The following RBMS3 variants were observed in gnomAD, a reference collection of about 807,000 sequenced individuals.
RBMS3 encodes RNA binding motif single stranded interacting protein 3, also known as RNA-binding motif, single-stranded-interacting protein 3.
RBMS3 carries 27 observed loss-of-function variants against 66.8 expected under a neutral mutation model. That is an observed-to-expected ratio of 0.40 (90% CI 0.30 to 0.56). The LOEUF is 0.56. Among genes scored for constraint, RBMS3 ranks in the 20% least tolerant of loss-of-function variants. The pLI, the probability that RBMS3 is intolerant of heterozygous loss-of-function variation, is 0.40. For synonymous variants in RBMS3, 188 were observed against 183.0 expected (o/e 1.03, Z -0.22); for missense variants, 513 against 549.5 (o/e 0.93, Z 0.66).
chr3:29,922,136 C>G (rs952460581), intron 10 of RBMS3, among the ~76,000 whole-genome samples: 1 of 152,210 alleles, frequency 6.6e-6, no homozygotes, highest in Non-Finnish European at 1.5e-5. Context: ...GAAACTTACT[C>G]TATTATAGCT....
At chr3:29,863,003 C>G (rs958404199) in intron 6 of RBMS3, among the ~76,000 whole-genome samples, 1 of 151,854 alleles carries the variant, frequency 6.6e-6, no homozygotes, top group Non-Finnish European at 1.5e-5. Context: ...TAGGAATTAC[C>G]TAAGAACAAG....
chr3:29,671,145 T>G (rs987254267), intron 4 of RBMS3, among the ~76,000 whole-genome samples: 1 of 152,190 alleles, frequency 6.6e-6, no homozygotes, highest in Non-Finnish European at 1.5e-5. Context: ...AGAGGGTCTG[T>G]ACTGGACCTC....
intron 1 of RBMS3, among the ~76,000 whole-genome samples, chr3:29,374,748 C>T (rs1018953449): frequency 6.6e-6 from 1 of 152,154 alleles, no homozygotes. Context: ...AAAACTTGAG[C>T]AGCAACTGTA....
chr3:29,746,040 T>G (rs899992215), intron 5 of RBMS3, among the ~76,000 whole-genome samples: 29 of 152,204 alleles, frequency 1.9e-4, no homozygotes, highest in African/African-American at 7.0e-4. Context: ...TTCTACTGCC[T>G]GATACTTCTT....
chr3:29,728,307 G>T (rs1031991495), intron 4 of RBMS3, among the ~76,000 whole-genome samples: 2 of 152,072 alleles, frequency 1.3e-5, no homozygotes, highest in African/African-American at 4.8e-5. Context: ...AAGCCACCAT[G>T]GCTCATGTAT....
Position 29,587,185 on chromosome 3 carries a change from G to A in RBMS3, c.379G>A (p.Val127Met), listed in dbSNP as rs777562992. The A allele has an allele frequency of 1.3e-5, 20 of 1,590,630 alleles. No homozygotes were observed. The highest frequency in any genetic ancestry group is 3.4e-5 in the Admixed American group (2 of 58,262). The change falls in exon 4 of 15, where the codon GTG (valine) becomes ATG (methionine). Residue 127 changes from valine to methionine, a missense_variant. Val to Met is a conservative substitution (Grantham distance 21, BLOSUM62 1). Coordinates refer to ENST00000383767, the MANE Select transcript of RBMS3 (RefSeq NM_001003793.3). ...GGTAGCATCTCTCAAGGCAAATGGC[G>A]TGCAGGCACAGATGGCTAAGGTAAG... ...KAVASLKANG[V>M]QAQMAKQQEQ...
At chr3:29,745,426 A>G (rs1433803843) in intron 5 of RBMS3, among the ~76,000 whole-genome samples, 1 of 152,302 alleles carries the variant, frequency 6.6e-6, no homozygotes, top group Non-Finnish European at 1.5e-5. Flanking sequence ...CTGCGAGGGT[A>G]AGGATCAGAG....
Position 29,922,465 on chromosome 3 carries a change from G to A in RBMS3, c.940-13621G>A, listed in dbSNP as rs531967323. ...TTGCGCCACTGCAGTCCGCAGTCCGGCCTGGGCGACAGAGCGAGACTCCGT... is the reference window on the plus strand; with the variant it reads ...TTGCGCCACTGCAGTCCGCAGTCCGACCTGGGCGACAGAGCGAGACTCCGT... On this transcript the variant is annotated intron_variant, in intron 10 of 14. Coordinates refer to ENST00000383767, the MANE Select transcript of RBMS3 (RefSeq NM_001003793.3). Among the ~76,000 whole-genome samples the A allele has an allele frequency of 1.4e-3, 197 of 144,228 alleles. 1 individual carries two copies. Among genetic ancestry groups the A allele is most frequent in the Non-Finnish European group, 2.5e-3 (164 of 66,604 alleles). The allele number at this position is 144,228 out of a possible 152,430, so 94.6% of individuals were successfully genotyped here.
intron 1 of RBMS3, among the ~76,000 whole-genome samples, chr3:29,395,159 A>T (rs2039488910): frequency 6.6e-6 from 1 of 152,188 alleles, no homozygotes; most frequent in African/African-American, 2.4e-5. Flanking sequence ...TGTGAAAAGC[A>T]TCAGGAGCCA....
At chr3:29,755,040 A>G (rs1280308584) in intron 5 of RBMS3, among the ~76,000 whole-genome samples, 4 of 152,210 alleles carry the variant, frequency 2.6e-5, no homozygotes, top group African/African-American at 9.6e-5. Flanking sequence ...AATAATATCT[A>G]GGAATGAAAT....
At position 29,936,055 on chromosome 3, in the gene RBMS3, AT is replaced by A. The variant is rs754516110; in HGVS notation, c.940-27del. On this transcript the variant is annotated intron_variant, in intron 10 of 14. Transcript: ENST00000383767. ...AGAAGTCTCCTTCCTTGTAGGATAT[AT>A]TTTCAAATGGACATTGTATATGCTT... The A allele has an allele frequency of 1.9e-6, 3 of 1,546,372 alleles. No individual in the cohort carries two copies. The South Asian group carries it at 3.4e-5, about 18-fold the overall frequency.
intron 4 of RBMS3, among the ~76,000 whole-genome samples, chr3:29,723,881 G>A (rs1056535877): frequency 1.3e-5 from 2 of 151,916 alleles, no homozygotes; most frequent in Non-Finnish European, 2.9e-5. Flanking sequence ...TTAGCAATTC[G>A]GTATCTTCTG....
At chr3:29,547,433 C>T (rs968515509) in intron 3 of RBMS3, among the ~76,000 whole-genome samples, 10 of 152,050 alleles carry the variant, frequency 6.6e-5, no homozygotes, top group Non-Finnish European at 1.3e-4. Context: ...TCTATCATTA[C>T]TCTTCTATCA....
intron 4 of RBMS3, among the ~76,000 whole-genome samples, chr3:29,706,823 C>A (rs1372131068): frequency 6.6e-6 from 1 of 152,142 alleles, no homozygotes; most frequent in Non-Finnish European, 1.5e-5. Context: ...CCAAGTTACC[C>A]TAAGAATAGA....
At chr3:29,629,155 G>A in intron 4 of RBMS3, among the ~76,000 whole-genome samples, 1 of 152,212 alleles carries the variant, frequency 6.6e-6, no homozygotes, top group Middle Eastern at 3.4e-3. Flanking sequence ...TTTTAGAATT[G>A]ATGAAATAAG....
chr3:29,328,589 G>A (rs940826426), intron 1 of RBMS3, among the ~76,000 whole-genome samples: 1 of 152,074 alleles, frequency 6.6e-6, no homozygotes, highest in East Asian at 1.9e-4. Flanking sequence ...TTTATTGGTA[G>A]TTAATGTTGC....
At chr3:29,995,416 C>A (rs1419938962) in intron 14 of RBMS3, among the ~76,000 whole-genome samples, 1 of 151,976 alleles carries the variant, frequency 6.6e-6, no homozygotes, top group Admixed American at 6.6e-5. Flanking sequence ...ACAGAGAACG[C>A]CACAAAGATA....
intron 4 of RBMS3, among the ~76,000 whole-genome samples, chr3:29,701,613 G>T (rs1035137649): frequency 6.6e-6 from 1 of 151,892 alleles, no homozygotes; most frequent in Admixed American, 6.5e-5. Flanking sequence ...TGCGCGCGTC[G>T]TTCACGGCCC....
At chr3:29,712,664 T>C (rs1051985902) in intron 4 of RBMS3, among the ~76,000 whole-genome samples, 2 of 152,076 alleles carry the variant, frequency 1.3e-5, no homozygotes, top group Admixed American at 1.3e-4. Context: ...CCCTCACCAA[T>C]GTGGACAGGC....
Sources: gnomAD v4.1 joint callset for allele counts (sites outside exome capture counted in the v4.1 genomes callset) on GRCh38, gnomAD v4.1.1 for gene constraint, MANE v1.5 for transcripts, NCBI Gene and HGNC (gene_info 2026-07-23, HGNC 2026-07-21) for gene names.